Variants in JAM2 observed in about 807,000 individuals in gnomAD.
The protein encoded by JAM2 is junctional adhesion molecule B.
In JAM2, 17 loss-of-function variants were observed where a neutral mutation model predicts 42.0. The observed-to-expected ratio is 0.40, with a 90% CI of 0.28 to 0.61. JAM2 has a LOEUF of 0.61. Among genes scored for constraint, JAM2 ranks in the 20% least tolerant of loss-of-function variants. The probability of loss-of-function intolerance (pLI) is 0.37; values close to 1 mark genes in which losing one functional copy is unlikely to be tolerated. For synonymous variants in JAM2, 118 were observed against 128.6 expected, an observed-to-expected ratio of 0.92 and a Z score of 0.56; for missense variants, 319 against 358.3, an observed-to-expected ratio of 0.89 and a Z score of 0.89.
At chr21:25,676,423 T>G (rs983065881) in intron 1 of JAM2, among the ~76,000 whole-genome samples, 16 of 152,044 alleles carry the variant, frequency 1.1e-4, no homozygotes, top group Admixed American at 1.3e-4. Context: ...TGTCATAATA[T>G]AAAGTATATA....
chr21:25,671,591 C>T (rs958186362), intron 1 of JAM2, among the ~76,000 whole-genome samples: 3 of 152,132 alleles, frequency 2.0e-5, no homozygotes, highest in African/African-American at 7.2e-5. Context: ...CTGCAACCTC[C>T]ACCTCCCAGG....
intron 2 of JAM2, among the ~76,000 whole-genome samples, chr21:25,688,281 TACAC>T (rs1439932102): frequency 6.6e-6 from 1 of 150,786 alleles, no homozygotes; most frequent in East Asian, 1.9e-4. Flanking sequence ...TATGTGTGTG[TACAC>T]GCGCCCACAC....
In JAM2 at chr21:25,698,553, A is replaced by G. The variant is rs190126414; in HGVS notation, c.395-124A>G. The G allele has an allele frequency of 3.5e-5, 27 of 770,136 alleles. No homozygotes were observed. In the East Asian group the frequency reaches 6.7e-4, roughly 19 times the overall value. 47.7% of individuals were successfully genotyped at this position (770,136 alleles called of 1,614,324 possible). ...GCAGTCTCTATCACAGGGTCCAGTA[A>G]TCACACCTCTTTACCTGGCTATTAA... On this transcript the variant is annotated intron_variant, in intron 4 of 9. Coordinates refer to ENST00000480456, the MANE Select transcript of JAM2 (RefSeq NM_021219.4).
Position 25,702,180 on chromosome 21 carries a change from C to T in JAM2, c.608C>T (p.Thr203Ile), listed in dbSNP as rs375322669. Residue 203 changes from threonine to isoleucine, a missense_variant, in exon 6 of 10, where the codon ACT becomes ATT. Transcript: ENST00000480456. ...TGCATCCACAAATAGCAATTTAATA[C>T]TGTTTCCAAACTGGACACTGGAGAA... Reference protein sequence around the residue: ...NTKTGTLQFNTVSKLDTGEYS... With the variant: ...NTKTGTLQFNIVSKLDTGEYS... 1 of 1,563,678 alleles carries T rather than the reference C, an allele frequency of 6.4e-7. No homozygotes were observed. Among genetic ancestry groups the T allele is most frequent in the Admixed American group, 1.7e-5 (1 of 59,448 alleles).
chr21:25,706,635 A>G (rs2034275847), intron 7 of JAM2, among the ~76,000 whole-genome samples: 1 of 152,256 alleles, frequency 6.6e-6, no homozygotes, highest in Non-Finnish European at 1.5e-5. Context: ...TCCAGGGAGC[A>G]CCACAGAATA....
chr21:25,683,387 C>G (rs549020205), intron 1 of JAM2, among the ~76,000 whole-genome samples: 1 of 152,134 alleles, frequency 6.6e-6, no homozygotes, highest in African/African-American at 2.4e-5. Flanking sequence ...ATTTCATATA[C>G]AGCTTATATA....
chr21:25,667,366 T>C (rs912807680), intron 1 of JAM2, among the ~76,000 whole-genome samples: 1 of 152,228 alleles, frequency 6.6e-6, no homozygotes, highest in African/African-American at 2.4e-5. Context: ...TACCTCACGA[T>C]GCCTGTTACC....
At chr21:25,681,469 C>T (rs1001189016) in intron 1 of JAM2, among the ~76,000 whole-genome samples, 2 of 152,122 alleles carry the variant, frequency 1.3e-5, no homozygotes, top group Non-Finnish European at 2.9e-5. Context: ...CATCAGATCT[C>T]GTGAGAACTC....
In JAM2 at chr21:25,707,851, A is replaced by AT. The variant is rs902999814; in HGVS notation, c.806-1571dup. The stretch of plus-strand genomic sequence containing the variant: ...TTTCGGAATTTAGATTTTTAAAACA[A>AT]TTTTTTTTTTTTGAGACAGGGTCTC... On this transcript the variant is annotated intron_variant, in intron 7 of 9. Coordinates refer to ENST00000480456, the MANE Select transcript of JAM2 (RefSeq NM_021219.4). Among the ~76,000 whole-genome samples the AT allele has an allele frequency of 8.0e-3, 1,183 of 147,092 alleles. 7 individuals are homozygous for AT. Among genetic ancestry groups the AT allele is most frequent in the African/African-American group, 0.022 (879 of 40,300 alleles).
At chr21:25,714,119 G>C in intron 9 of JAM2, 1 of 1,251,814 alleles carries the variant, frequency 8.0e-7, no homozygotes, top group Non-Finnish European at 1.0e-6. Flanking sequence ...CTGCCTTCCA[G>C]TCCTACCTCT....
At chr21:25,710,391 TATATAGTATATCAG>T (rs1237282869) in intron 8 of JAM2, among the ~76,000 whole-genome samples, 1 of 152,144 alleles carries the variant, frequency 6.6e-6, no homozygotes, top group East Asian at 1.9e-4. Flanking sequence ...CAGGTAATAC[TATATAGTATATCAG>T]ATAGGGCCAT....
At chr21:25,668,174 G>A (rs550030128) in intron 1 of JAM2, among the ~76,000 whole-genome samples, 3 of 152,284 alleles carry the variant, frequency 2.0e-5, no homozygotes, top group Admixed American at 6.5e-5. Flanking sequence ...AAGGAGGTTC[G>A]AAAGCAATGG....
At chr21:25,684,179 A>G (rs2033699734) in intron 2 of JAM2, among the ~76,000 whole-genome samples, 1 of 152,210 alleles carries the variant, frequency 6.6e-6, no homozygotes. Flanking sequence ...GTCTCCTATA[A>G]CTTAAATTAT....
At chr21:25,676,758 A>G (rs1048037044) in intron 1 of JAM2, among the ~76,000 whole-genome samples, 1 of 152,216 alleles carries the variant, frequency 6.6e-6, no homozygotes, top group African/African-American at 2.4e-5. Context: ...GAAAAAATAA[A>G]AATCACTTCA....
chr21:25,670,037 A>G (rs144664500), intron 1 of JAM2, among the ~76,000 whole-genome samples: 16 of 152,332 alleles, frequency 1.1e-4, no homozygotes, highest in African/African-American at 3.6e-4. Flanking sequence ...CTTTTGGTAG[A>G]TTCTGTCATA....
At chr21:25,705,598 G>A (rs867359544) in intron 6 of JAM2, among the ~76,000 whole-genome samples, 5 of 152,276 alleles carry the variant, frequency 3.3e-5, no homozygotes, top group Middle Eastern at 3.4e-3. Flanking sequence ...AGTTGATGAT[G>A]TAGGAGAATT....
At chr21:25,669,856 T>A (rs187139269) in intron 1 of JAM2, among the ~76,000 whole-genome samples, 5 of 152,310 alleles carry the variant, frequency 3.3e-5, no homozygotes, top group Admixed American at 2.6e-4. Flanking sequence ...AATGTTGTCT[T>A]TTATTTAATT....
intron 7 of JAM2, 72 bp from the exon 8 acceptor site, chr21:25,709,362 C>G (rs2034336521): frequency 2.2e-5 from 17 of 788,070 alleles, no homozygotes; most frequent in Non-Finnish European, 3.2e-5. Context: ...TAAACCCAAA[C>G]TCATTTTTAT....
intron 1 of JAM2, among the ~76,000 whole-genome samples, chr21:25,681,348 G>A (rs2033626233): frequency 6.6e-6 from 1 of 152,152 alleles, no homozygotes; most frequent in Non-Finnish European, 1.5e-5. Flanking sequence ...GGCTGGGGAG[G>A]CCTCAGGAAA....
Sources: allele counts gnomAD v4.1 joint callset (sites outside exome capture counted in the v4.1 genomes callset), GRCh38; gene constraint gnomAD v4.1.1; transcripts MANE v1.5; gene names NCBI Gene and HGNC (gene_info 2026-07-23, HGNC 2026-07-21).